Variants in EIF4ENIF1 observed in about 807,000 individuals in gnomAD.
EIF4ENIF1 encodes eukaryotic translation initiation factor 4E nuclear import factor 1.
Under a neutral mutation model 110.5 loss-of-function variants are expected in EIF4ENIF1, and 23 were observed. The ratio of observed to expected loss-of-function variants is 0.21; its 90% CI spans 0.15 to 0.29. EIF4ENIF1 has a LOEUF of 0.29. Among genes scored for constraint, EIF4ENIF1 ranks in the 10% least tolerant of loss-of-function variants. The pLI is 1.00. For synonymous variants in EIF4ENIF1, 440 were observed against 437.0 expected, an observed-to-expected ratio of 1.01 and a Z score of -0.09; for missense variants, 1,031 against 1,221.1, an observed-to-expected ratio of 0.84 and a Z score of 2.32.
At chr22:31,444,349 A>AT (rs1236440508) in intron 15 of EIF4ENIF1, 1 of 391,274 alleles carries the variant, frequency 2.6e-6, no homozygotes, top group Non-Finnish European at 4.9e-6. Context: ...TGAACATACT[A>AT]TATCACCTCG....
intron 2 of EIF4ENIF1, among the ~76,000 whole-genome samples, chr22:31,486,280 AAAAT>A (rs1228997151): frequency 8.3e-6 from 1 of 120,232 alleles, no homozygotes; most frequent in Non-Finnish European, 1.8e-5. Flanking sequence ...CAAAAAAAAA[AAAAT>A]AAAAATAAAA....
At chr22:31,491,115 G>A (rs148456094), upstream of EIF4ENIF1, among the ~76,000 whole-genome samples, 2 of 152,138 alleles carry the variant, frequency 1.3e-5, no homozygotes, top group African/African-American at 4.8e-5. Flanking sequence ...AAGCTATGGA[G>A]AGTTAGTCTA....
At chr22:31,453,385 T>C (rs574303843) in intron 10 of EIF4ENIF1, 2 of 421,804 alleles carry the variant, frequency 4.7e-6, no homozygotes, top group South Asian at 3.4e-5. Context: ...ACTTTTTTTT[T>C]TTTTTTTTGG....
chr22:31,456,597 C>T (rs2145958494), intron 7 of EIF4ENIF1, among the ~76,000 whole-genome samples: 1 of 152,300 alleles, frequency 6.6e-6, no homozygotes. Flanking sequence ...TCACTGCAAC[C>T]TCTGCCTCCC....
chr22:31,452,143 G>A (rs1159646851), intron 10 of EIF4ENIF1, among the ~76,000 whole-genome samples: 2 of 152,192 alleles, frequency 1.3e-5, no homozygotes, highest in African/African-American at 2.4e-5. Flanking sequence ...GAACCAGCAT[G>A]TATTATTTTT....
chr22:31,477,382 A>AAAAAAAAAAG (rs2051624392), intron 2 of EIF4ENIF1, among the ~76,000 whole-genome samples: 1 of 71,110 alleles, frequency 1.4e-5, no homozygotes, highest in Non-Finnish European at 3.2e-5. Flanking sequence ...AAACAAAAAA[A>AAAAAAAAAAG]ACAAAAAAAG....
chr22:31,454,120 G>A (rs746103470), intron 10 of EIF4ENIF1, 24 bp downstream of exon 10: 9 of 1,589,672 alleles, frequency 5.7e-6, no homozygotes, highest in African/African-American at 4.0e-5. Context: ...AGAAAAGGGT[G>A]GGGGGTTTGT....
chr22:31,476,825 G>C (rs893384440), intron 2 of EIF4ENIF1, among the ~76,000 whole-genome samples: 33 of 148,418 alleles, frequency 2.2e-4, no homozygotes, highest in Middle Eastern at 3.4e-3. Flanking sequence ...AACAGAGTAA[G>C]ATTCTGTGTC....
At chr22:31,468,121 C>CA in intron 4 of EIF4ENIF1, 54 bp downstream of exon 4, 1 of 1,589,038 alleles carries the variant, frequency 6.3e-7, no homozygotes, top group Non-Finnish European at 8.6e-7. Context: ...AACCAGCAGG[C>CA]AAAAGCATGT....
intron 2 of EIF4ENIF1, among the ~76,000 whole-genome samples, chr22:31,482,506 ACC>A (rs372133956): frequency 5.5e-4 from 83 of 152,050 alleles, no homozygotes; most frequent in African/African-American, 1.9e-3. Flanking sequence ...ATATGGTGAA[ACC>A]CCGTTTCTAA....
At position 31,443,142 on chromosome 22, in the gene EIF4ENIF1, T is replaced by C. The variant is rs574241622; in HGVS notation, c.2074-48A>G. The C allele has an allele frequency of 5.8e-5, 93 of 1,601,070 alleles. 1 individual carries two copies. In the South Asian group the frequency reaches 1.0e-3, roughly 17 times the overall value. ...TTAGCACATTCTCTAAGTGCCGTTC[T>C]CTAATACTAAGCCAGGATTAACTTG... is the stretch of plus-strand genomic sequence containing the variant. On this transcript the variant is annotated intron_variant, in intron 15 of 18. Transcript: ENST00000330125.
At chr22:31,447,708 A>G (rs964503602) in intron 13 of EIF4ENIF1, 143 bp from the exon 14 acceptor site, 5 of 861,560 alleles carry the variant, frequency 5.8e-6, no homozygotes, top group African/African-American at 1.7e-5. Flanking sequence ...TTGTGCTGCC[A>G]TCGCAGTGAA....
chr22:31,471,967 A>C, intron 2 of EIF4ENIF1, 50 bp from the exon 3 acceptor site: 4 of 1,407,108 alleles, frequency 2.8e-6, no homozygotes, highest in Non-Finnish European at 3.9e-6. Flanking sequence ...CTTAGGCCAC[A>C]CACTTTAAAC....
At chr22:31,437,085 G>C (rs997914625), downstream of EIF4ENIF1, 2 of 152,136 alleles carry the variant, frequency 1.3e-5, no homozygotes, top group Admixed American at 1.3e-4. Flanking sequence ...CCTAGGGGAA[G>C]GCCTAGCTGC....
intron 15 of EIF4ENIF1, 200 bp from the exon 16 acceptor site, chr22:31,443,294 T>C (rs2050361016): frequency 1.7e-5 from 11 of 661,342 alleles, no homozygotes; most frequent in Non-Finnish European, 2.7e-5. Context: ...TATCCCTTGC[T>C]TACAACTGTG....
intron 17 of EIF4ENIF1, among the ~76,000 whole-genome samples, chr22:31,441,497 G>A (rs1038811529): frequency 7.0e-5 from 10 of 142,586 alleles, no homozygotes; most frequent in African/African-American, 1.3e-4. Context: ...CTGAGATTGC[G>A]CCACTGCACT....
intron 4 of EIF4ENIF1, among the ~76,000 whole-genome samples, chr22:31,466,649 G>T (rs2051200885): frequency 7.2e-6 from 1 of 139,294 alleles, no homozygotes; most frequent in Non-Finnish European, 1.6e-5. Flanking sequence ...TTGTGGGGGG[G>T]GCAGCTAAAG....
chr22:31,464,592 C>T (rs1292749504), intron 4 of EIF4ENIF1, among the ~76,000 whole-genome samples: 2 of 143,500 alleles, frequency 1.4e-5, no homozygotes, highest in Admixed American at 7.2e-5. Context: ...GCAGGAGAAT[C>T]GCTTGAACCT....
In EIF4ENIF1 at chr22:31,447,718, A is replaced by G. The variant is rs946592649; in HGVS notation, c.1849-153T>C. Reference sequence around the variant, plus strand: ...CTAGATTGTGCTGCCATCGCAGTGAACAAGATTAACAATTTAAGTATTACT... The same window carrying G: ...CTAGATTGTGCTGCCATCGCAGTGAGCAAGATTAACAATTTAAGTATTACT... On this transcript the variant is annotated intron_variant, in intron 13 of 18. Transcript: ENST00000330125. 15 of 798,836 alleles carry G rather than the reference A, an allele frequency of 1.9e-5. No homozygotes were observed. The Admixed American group carries it at 2.0e-4, about 11-fold the overall frequency. The allele number at this position is 798,836 out of a possible 1,614,324, so 49.5% of individuals were successfully genotyped here.
Sources: gnomAD v4.1 joint callset for allele counts (sites outside exome capture counted in the v4.1 genomes callset) on GRCh38, gnomAD v4.1.1 for gene constraint, MANE v1.5 for transcripts, NCBI Gene and HGNC (gene_info 2026-07-23, HGNC 2026-07-21) for gene names.